FGF14: variants seen among roughly 807,000 people sequenced by gnomAD.
The protein encoded by FGF14 is fibroblast growth factor 14, also known as fibroblast growth factor homologous factor 4.
A neutral mutation model predicts 25.5 loss-of-function variants in FGF14; 5 were observed. The ratio of observed to expected loss-of-function variants is 0.20; its 90% confidence interval spans 0.10 to 0.41. The LOEUF is 0.41. FGF14 is among the 10% of genes least tolerant of loss of function. FGF14 has a pLI of 1.00. For missense variants in FGF14, 222 were observed against 320.1 expected, an observed-to-expected ratio of 0.69 and a Z score of 2.34; for synonymous variants, 138 against 118.3, an observed-to-expected ratio of 1.17 and a Z score of -1.08.
chr13:102,054,723 C>T (rs1348517967), intron 1 of FGF14, among the ~76,000 whole-genome samples: 2 of 152,144 alleles, frequency 1.3e-5, no homozygotes, highest in Non-Finnish European at 2.9e-5. Flanking sequence ...TTAGGGTATC[C>T]AAAACACAAG....
At chr13:101,856,117 C>G (rs2044114172) in intron 3 of FGF14, among the ~76,000 whole-genome samples, 1 of 151,702 alleles carries the variant, frequency 6.6e-6, no homozygotes, top group African/African-American at 2.4e-5. Flanking sequence ...TTTATGGCAT[C>G]TGTGGAAAAA....
At chr13:101,750,201 A>G (rs888135682) in intron 3 of FGF14, among the ~76,000 whole-genome samples, 10 of 152,154 alleles carry the variant, frequency 6.6e-5, no homozygotes, top group African/African-American at 2.4e-4. Flanking sequence ...TGAATAGAAT[A>G]AGATCATGTC....
chr13:101,961,662 G>C (rs1156794078), intron 1 of FGF14, among the ~76,000 whole-genome samples: 1 of 152,140 alleles, frequency 6.6e-6, no homozygotes, highest in Non-Finnish European at 1.5e-5. Context: ...TTACCTCCAT[G>C]CTGTTCTCAT....
At chr13:102,279,547 A>G (rs1283150487) in intron 1 of FGF14, among the ~76,000 whole-genome samples, 1 of 152,156 alleles carries the variant, frequency 6.6e-6, no homozygotes, top group Non-Finnish European at 1.5e-5. Flanking sequence ...CTCATTTTGT[A>G]TATTGTTGAT....
At chr13:102,050,234 G>A (rs916564187) in intron 1 of FGF14, among the ~76,000 whole-genome samples, 1 of 152,252 alleles carries the variant, frequency 6.6e-6, no homozygotes, top group South Asian at 2.1e-4. Flanking sequence ...TCTGTATCAG[G>A]ACACAGTATA....
At position 102,258,071 on chromosome 13, in the gene FGF14, C is replaced by T. The variant is rs188712275; in HGVS notation, c.208+143400G>A. Among the ~76,000 whole-genome samples, 442 of 152,242 alleles carry T rather than the reference C, an allele frequency of 2.9e-3. 2 individuals are homozygous for T. Among genetic ancestry groups the T allele is most frequent in the African/African-American group, 0.01 (420 of 41,544 alleles). On this transcript the variant is annotated intron_variant, in intron 1 of 4. Transcript: ENST00000376131. ...GTGAAAGGCATGTCTTACATGGCAG[C>T]AGACAAGAGAGAATGAGAGCCAAAC...
intron 3 of FGF14, among the ~76,000 whole-genome samples, chr13:101,827,410 T>C (rs935448705): frequency 6.6e-6 from 1 of 152,002 alleles, no homozygotes; most frequent in Non-Finnish European, 1.5e-5. Flanking sequence ...TTGTTTGGTA[T>C]TCCAAAATAA....
chr13:101,962,092 T>A (rs2036893373), intron 1 of FGF14, among the ~76,000 whole-genome samples: 1 of 152,218 alleles, frequency 6.6e-6, no homozygotes, highest in African/African-American at 2.4e-5. Context: ...GTTTTAATTC[T>A]GTGAAGAATG....
intron 1 of FGF14, among the ~76,000 whole-genome samples, chr13:101,945,657 GCCTT>G (rs1160854101): frequency 2.6e-5 from 4 of 152,154 alleles, no homozygotes; most frequent in African/African-American, 9.7e-5. Context: ...TTTCCCTTCT[GCCTT>G]CCTTCTGTCT....
intron 1 of FGF14, among the ~76,000 whole-genome samples, chr13:102,295,890 A>G (rs957175571): frequency 6.6e-6 from 1 of 152,164 alleles, no homozygotes; most frequent in Non-Finnish European, 1.5e-5. Flanking sequence ...GATGATGCAG[A>G]GATTGCGAAA....
chr13:102,278,577 C>T (rs1006216241), intron 1 of FGF14, among the ~76,000 whole-genome samples: 1 of 151,506 alleles, frequency 6.6e-6, no homozygotes, highest in African/African-American at 2.4e-5. Flanking sequence ...TGTGTGACCC[C>T]AAAATGCAAG....
At chr13:102,000,577 G>T (rs1224666728) in intron 1 of FGF14, among the ~76,000 whole-genome samples, 1 of 151,936 alleles carries the variant, frequency 6.6e-6, no homozygotes, top group Non-Finnish European at 1.5e-5. Flanking sequence ...TACTATAAAA[G>T]AAAAAAAGGT....
intron 3 of FGF14, among the ~76,000 whole-genome samples, chr13:101,868,092 A>G (rs2140444151): frequency 6.6e-6 from 1 of 152,320 alleles, no homozygotes; most frequent in East Asian, 1.9e-4. Context: ...GATAATAGAA[A>G]AAAGCACCTT....
rs561624693 is a variant in FGF14 at position 101,765,718 on chromosome 13, TTTTA to T, written c.409-38912_409-38909del. Among the ~76,000 whole-genome samples, 282 of 143,376 alleles carry T rather than the reference TTTTA, an allele frequency of 2.0e-3. 1 individual carries two copies. Among genetic ancestry groups the T allele is most frequent in the African/African-American group, 6.2e-3 (229 of 36,804 alleles). 94.1% of individuals were successfully genotyped at this position (143,376 alleles called of 152,430 possible). A position where few individuals can be genotyped will look rare whatever the true frequency, so the allele number is the denominator to read the frequency against. ...CTTTTATTTATTATTATTATTATTATTTTATTTATTTATTTATTTATTTATTTTG... is the reference window on the plus strand; with the variant it reads ...CTTTTATTTATTATTATTATTATTATTTTATTTATTTATTTATTTATTTTG... On this transcript the variant is annotated intron_variant, in intron 3 of 4. Transcript: ENST00000376143.
At chr13:102,161,602 AAGAAGAAGAAGAAGAAGAAGAAG>A (rs2047679307) in intron 1 of FGF14, among the ~76,000 whole-genome samples, 1 of 3,324 alleles carries the variant, frequency 3.0e-4, no homozygotes. Flanking sequence ...GAAGAAGAAG[AAGAAGAAGAAGAAGAAGAAGAAG>A]AAGAAGAAGA....
chr13:102,032,740 C>T (rs1468784666), intron 1 of FGF14, among the ~76,000 whole-genome samples: 1 of 152,054 alleles, frequency 6.6e-6, no homozygotes, highest in Non-Finnish European at 1.5e-5. Flanking sequence ...CAACACTGAC[C>T]CTTGCAGATG....
intron 1 of FGF14, among the ~76,000 whole-genome samples, chr13:102,215,654 T>C (rs1024210079): frequency 6.6e-6 from 1 of 152,154 alleles, no homozygotes; most frequent in Non-Finnish European, 1.5e-5. Context: ...CCCACAACCA[T>C]ATTTACCATC....
intron 1 of FGF14, among the ~76,000 whole-genome samples, chr13:102,386,896 A>G (rs2058317744): frequency 1.3e-5 from 2 of 152,264 alleles, no homozygotes; most frequent in Admixed American, 1.3e-4. Context: ...CTCATTTGCG[A>G]AAAGTTTGAT....
intron 1 of FGF14, among the ~76,000 whole-genome samples, chr13:102,254,795 G>A (rs1223935466): frequency 1.3e-5 from 2 of 152,166 alleles, no homozygotes; most frequent in African/African-American, 4.8e-5. Context: ...TGTCCCCTGA[G>A]GAGCAAAATG....
Sources: gnomAD v4.1 joint callset for allele counts (sites outside exome capture counted in the v4.1 genomes callset) on GRCh38, gnomAD v4.1.1 for gene constraint, MANE v1.5 for transcripts, NCBI Gene and HGNC (gene_info 2026-07-23, HGNC 2026-07-21) for gene names.